PDZD2: variants seen among roughly 807,000 people sequenced by gnomAD.
PDZD2 encodes PDZ domain containing 2, also known as PDZ domain-containing protein 2.
PDZD2 carries 90 observed loss-of-function variants against 220.7 expected under a neutral mutation model. The observed-to-expected ratio is 0.41, with a 90% confidence interval of 0.34 to 0.49. PDZD2 has a LOEUF of 0.49. PDZD2 is among the 20% of genes least tolerant of loss of function. PDZD2 has a pLI of 0.28. For missense variants in PDZD2, 3,174 were observed against 3,608.5 expected, an observed-to-expected ratio of 0.88 and a Z score of 3.08; for synonymous variants, 1,375 against 1,450.5, an observed-to-expected ratio of 0.95 and a Z score of 1.18.
intron 6 of PDZD2, among the ~76,000 whole-genome samples, chr5:32,019,336 G>T (rs1473527157): frequency 6.6e-5 from 10 of 151,928 alleles, no homozygotes; most frequent in African/African-American, 9.7e-5. Flanking sequence ...TAGAGACGGG[G>T]TCTCCCTATG....
intron 1 of PDZD2, among the ~76,000 whole-genome samples, chr5:31,744,853 G>C (rs1011605034): frequency 3.9e-5 from 6 of 151,958 alleles, no homozygotes; most frequent in Non-Finnish European, 8.8e-5. Flanking sequence ...GGCGGATCTT[G>C]AGGTCAGGAG....
At chr5:31,777,370 A>G (rs1340975940) in intron 1 of PDZD2, among the ~76,000 whole-genome samples, 1 of 152,158 alleles carries the variant, frequency 6.6e-6, no homozygotes, top group Admixed American at 6.5e-5. Context: ...GCAGCCCGCC[A>G]TGCCTGAGCC....
At chr5:31,976,382 T>G (rs1749767045) in intron 2 of PDZD2, among the ~76,000 whole-genome samples, 1 of 152,174 alleles carries the variant, frequency 6.6e-6, no homozygotes, top group Admixed American at 6.5e-5. Context: ...CCATTACTTC[T>G]TAGGGGAGGG....
intron 7 of PDZD2, among the ~76,000 whole-genome samples, chr5:32,041,335 C>T (rs140416999): frequency 0.01 from 1,571 of 152,240 alleles, 14 homozygotes; most frequent in Non-Finnish European, 0.015. Flanking sequence ...GTGTACCCAA[C>T]AGCTCCGAAG....
chr5:31,690,621 A>G (rs2150127872), intron 1 of PDZD2, among the ~76,000 whole-genome samples: 1 of 152,094 alleles, frequency 6.6e-6, no homozygotes, highest in East Asian at 1.9e-4. Flanking sequence ...CTCTGCGGCC[A>G]TGTTGCCCCT....
chr5:31,649,780 A>T (rs1256569004), intron 1 of PDZD2, among the ~76,000 whole-genome samples: 1 of 151,960 alleles, frequency 6.6e-6, no homozygotes, highest in African/African-American at 2.4e-5. Flanking sequence ...TCTACTAAAA[A>T]TATAAAAATT....
At chr5:31,813,435 GCGAGAC>G (rs1471074392) in intron 2 of PDZD2, among the ~76,000 whole-genome samples, 1 of 126,966 alleles carries the variant, frequency 7.9e-6, no homozygotes, top group East Asian at 2.3e-4. Context: ...GGGCGACAGA[GCGAGAC>G]TCCGTCTCAA....
At chr5:31,709,602 C>A (rs1242557203) in intron 1 of PDZD2, among the ~76,000 whole-genome samples, 1 of 152,194 alleles carries the variant, frequency 6.6e-6, no homozygotes, top group African/African-American at 2.4e-5. Context: ...GAAGCACCTC[C>A]CCCGACAACT....
chr5:31,752,069 G>GTTTTTTTTTTTTTTTTTTT (rs1491302993), intron 1 of PDZD2, among the ~76,000 whole-genome samples: 2 of 95,858 alleles, frequency 2.1e-5, no homozygotes, highest in Non-Finnish European at 1.9e-5. Flanking sequence ...ATTGTTTTGG[G>GTTTTTTTTTTTTTTTTTTT]TTTGTTTTTT....
At chr5:31,898,455 T>TG (rs1199374886) in intron 2 of PDZD2, among the ~76,000 whole-genome samples, 1 of 152,152 alleles carries the variant, frequency 6.6e-6, no homozygotes, top group Non-Finnish European at 1.5e-5. Flanking sequence ...TGAAAGTGAG[T>TG]GCTTCAGGGA....
At chr5:31,661,700 G>C (rs1016166786) in intron 1 of PDZD2, among the ~76,000 whole-genome samples, 4 of 152,044 alleles carry the variant, frequency 2.6e-5, no homozygotes, top group Non-Finnish European at 4.4e-5. Flanking sequence ...CTTTGGGCTT[G>C]AGGATTAGGG....
chr5:31,853,069 A>G (rs1758152995), intron 2 of PDZD2, among the ~76,000 whole-genome samples: 1 of 152,200 alleles, frequency 6.6e-6, no homozygotes, highest in Non-Finnish European at 1.5e-5. Flanking sequence ...TTTGAACTTA[A>G]TTCCCATAAA....
At chr5:31,869,206 G>C in intron 2 of PDZD2, among the ~76,000 whole-genome samples, 1 of 152,294 alleles carries the variant, frequency 6.6e-6, no homozygotes, top group East Asian at 1.9e-4. Context: ...TACTTCTACT[G>C]GTGAGAGGCT....
At chr5:32,009,730 A>G (rs535078731) in intron 5 of PDZD2, among the ~76,000 whole-genome samples, 1 of 150,452 alleles carries the variant, frequency 6.6e-6, no homozygotes, top group East Asian at 1.9e-4. Context: ...GACCTTGTCT[A>G]TTAAAAAAAA....
At chr5:31,873,339 TAGG>T (rs1468200823) in intron 2 of PDZD2, among the ~76,000 whole-genome samples, 3 of 151,410 alleles carry the variant, frequency 2.0e-5, no homozygotes, top group Non-Finnish European at 2.9e-5. Context: ...GAGGCTGAGG[TAGG>T]AGGATTACCT....
At chr5:31,845,521 G>C (rs1490886552) in intron 2 of PDZD2, among the ~76,000 whole-genome samples, 1 of 152,226 alleles carries the variant, frequency 6.6e-6, no homozygotes, top group African/African-American at 2.4e-5. Context: ...ACAGTGGGAG[G>C]GAAGTCAGGG....
intron 2 of PDZD2, among the ~76,000 whole-genome samples, chr5:31,862,128 TG>T (rs1233109200): frequency 1.7e-4 from 19 of 112,520 alleles, no homozygotes; most frequent in African/African-American, 6.4e-4. Flanking sequence ...TTTTTTGAGA[TG>T]GAGTCTCGCT....
At chr5:31,998,870 C>T (rs1257985804) in intron 4 of PDZD2, among the ~76,000 whole-genome samples, 2 of 152,234 alleles carry the variant, frequency 1.3e-5, no homozygotes, top group African/African-American at 2.4e-5. Context: ...CGGTGGGATC[C>T]GAGGCTCGAG....
intron 2 of PDZD2, among the ~76,000 whole-genome samples, chr5:31,947,926 AGGGCTTT>A (rs1392488033): frequency 6.6e-6 from 1 of 152,094 alleles, no homozygotes; most frequent in Non-Finnish European, 1.5e-5. Flanking sequence ...ATGTATGTGA[AGGGCTTT>A]GGGAAAGAAA....
Sources: allele counts gnomAD v4.1 joint callset (sites outside exome capture counted in the v4.1 genomes callset), GRCh38; gene constraint gnomAD v4.1.1; transcripts MANE v1.5; gene names NCBI Gene and HGNC (gene_info 2026-07-23, HGNC 2026-07-21).